The following WDR11 variants were observed in gnomAD, a reference collection of about 807,000 sequenced individuals.
The protein encoded by WDR11 is WD repeat-containing protein 11.
WDR11 carries 83 observed loss-of-function variants against 151.2 expected under a neutral mutation model. The ratio of observed to expected loss-of-function variants is 0.55; its 90% CI spans 0.46 to 0.66. The LOEUF is 0.66. Ranked by LOEUF, WDR11 falls within the 30% of genes least tolerant of loss-of-function variation. The pLI is 0.00. For missense variants in WDR11, 1,301 were observed against 1,480.9 expected (o/e 0.88, Z 1.99); for synonymous variants, 484 against 533.1 (o/e 0.91, Z 1.27).
chr10:120,899,706 C>T (rs544658076), intron 19 of WDR11: 14 of 303,898 alleles, frequency 4.6e-5, no homozygotes, highest in South Asian at 4.5e-4. Context: ...TCGCTTGAAC[C>T]CGGGAGGCGG....
intron 20 of WDR11, 114 bp downstream of exon 20, chr10:120,900,251 C>A: frequency 2.2e-6 from 2 of 928,308 alleles, no homozygotes; most frequent in South Asian, 1.4e-5. Context: ...CCTTTAAAGC[C>A]GAGAGAAGGC....
intron 10 of WDR11, among the ~76,000 whole-genome samples, chr10:120,872,173 T>C (rs574201446): frequency 6.6e-6 from 1 of 152,346 alleles, no homozygotes; most frequent in Admixed American, 6.5e-5. Flanking sequence ...TGTTAAAGAC[T>C]CATTTGGGTA....
At chr10:120,863,288 C>T (rs1846200503) in intron 5 of WDR11, among the ~76,000 whole-genome samples, 1 of 152,200 alleles carries the variant, frequency 6.6e-6, no homozygotes, top group Non-Finnish European at 1.5e-5. Flanking sequence ...GACTTAGGTG[C>T]TGTGCATTCT....
chr10:120,854,985 A>G (rs1845899831), intron 2 of WDR11, among the ~76,000 whole-genome samples: 1 of 152,144 alleles, frequency 6.6e-6, no homozygotes, highest in Non-Finnish European at 1.5e-5. Context: ...TTTTTCTCAT[A>G]CATACTTACT....
chr10:120,908,944 A>G lies in WDR11; in HGVS notation c.*231A>G. On this transcript the variant is annotated 3_prime_UTR_variant, in exon 29 of 29. Transcript: ENST00000263461. ...CGTGAATGCTTAAGATTTTGAAAGT[A>G]CATAATATTTTATACTTTGGGAGAG... 1.8e-6 allele frequency: 1 copy of G among 561,606 alleles called. No homozygotes were observed. The highest frequency in any genetic ancestry group is 3.1e-5 in the East Asian group (1 of 32,536). 34.8% of individuals were successfully genotyped at this position (561,606 alleles called of 1,614,324 possible).
chr10:120,890,002 C>T lies in WDR11; in HGVS notation c.2336C>T (p.Thr779Ile). 1 of 1,601,966 alleles carries T rather than the reference C, an allele frequency of 6.2e-7. No individual in the cohort carries two copies. The highest frequency in any genetic ancestry group is 8.6e-7 in the Non-Finnish European group (1 of 1,169,170). ...AATGATGGAGCTGAAGTGTGGGATA[C>T]TAAAGAGGTAGGCCCTCTCCATGAG... ...MYNDGAEVWD[T>I]KEVQMVSSLR... Residue 779 changes from threonine to isoleucine, a missense_variant, in exon 18 of 29, where the codon ACT becomes ATT. By Grantham distance (89) the Thr-to-Ile change is moderately conservative. Coordinates refer to ENST00000263461, the MANE Select transcript of WDR11 (RefSeq NM_018117.12).
intron 5 of WDR11, among the ~76,000 whole-genome samples, chr10:120,864,396 A>G (rs567355803): frequency 1.3e-5 from 2 of 152,240 alleles, no homozygotes; most frequent in Non-Finnish European, 2.9e-5. Context: ...TAATATAGAA[A>G]AGGTCATTGA....
intron 11 of WDR11, among the ~76,000 whole-genome samples, chr10:120,876,914 CA>C (rs1846812992): frequency 6.6e-6 from 1 of 152,222 alleles, no homozygotes; most frequent in African/African-American, 2.4e-5. Context: ...CTGAACTCTT[CA>C]CTTATACTTA....
rs770949613 is a variant in WDR11, at chr10:120,860,232, A to T, written c.476A>T (p.Asp159Val). The T allele has an allele frequency of 1.1e-5, 18 of 1,614,096 alleles. No homozygotes were observed. Among genetic ancestry groups the T allele is most frequent in the Non-Finnish European group, 1.5e-5 (18 of 1,180,054 alleles). The change falls in exon 4 of 29, where the codon GAT becomes GTT. Residue 159 changes from aspartate to valine, a missense_variant. This residue lies in a region of WDR11 where 692 missense variants were observed against 762.5 expected (regional missense o/e 0.91). Coordinates refer to ENST00000263461, the MANE Select transcript of WDR11 (RefSeq NM_018117.12). ...AAACTATGGAAGAAGAGCTATGCAG[A>T]TAACATTCTTTCTTTTTCTTTTGAC... is the stretch of plus-strand genomic sequence containing the variant. ...GTKLWKKSYADNILSFSFDPF... is the reference protein window; with the variant it reads ...GTKLWKKSYAVNILSFSFDPF...
chr10:120,900,175 T>C (rs1847762214), intron 20 of WDR11, 38 bp downstream of exon 20: 2 of 1,565,230 alleles, frequency 1.3e-6, no homozygotes, highest in African/African-American at 1.4e-5. Flanking sequence ...CATAATTTAC[T>C]TGGGGTTGAA....
rs144022681 is a variant in WDR11 at position 120,855,648 on chromosome 10, T to C, written c.199-2995T>C. Among the ~76,000 whole-genome samples, 363 of 152,316 alleles carry C rather than the reference T, an allele frequency of 2.4e-3. 1 individual carries two copies. The highest frequency in any genetic ancestry group is 8.1e-3 in the African/African-American group (337 of 41,570). Reference sequence around the variant, plus strand: ...TAGAGCTTTAGCTTTTAATCCATTTTGAGTTAATTTTTATATATGATGTGA... The same window carrying C: ...TAGAGCTTTAGCTTTTAATCCATTTCGAGTTAATTTTTATATATGATGTGA... On this transcript the variant is annotated intron_variant, in intron 2 of 28. Coordinates refer to ENST00000263461, the MANE Select transcript of WDR11 (RefSeq NM_018117.12).
intron 1 of WDR11, 122 bp downstream of exon 1, chr10:120,851,628 A>G: frequency 8.4e-7 from 1 of 1,185,002 alleles, no homozygotes; most frequent in East Asian, 2.6e-5. Flanking sequence ...AGCCGCCCTC[A>G]CGCAATGAGC....
chr10:120,905,831 T>G (rs368516922), intron 26 of WDR11, 45 bp from the exon 27 acceptor site: 2 of 1,613,998 alleles, frequency 1.2e-6, no homozygotes, highest in African/African-American at 2.7e-5. Flanking sequence ...TTTTTCTTTA[T>G]AGAGTGCAGG....
intron 10 of WDR11, among the ~76,000 whole-genome samples, 163 bp downstream of exon 10, chr10:120,871,509 TTC>T: frequency 6.7e-6 from 1 of 148,900 alleles, no homozygotes; most frequent in East Asian, 1.9e-4. Context: ...AAAAAAAAAT[TTC>T]TGTCCTTTTA....
chr10:120,871,353 A>G lies in WDR11; in HGVS notation c.1471+7A>G. 1 of 1,612,566 alleles carries G rather than the reference A, an allele frequency of 6.2e-7. No individual in the cohort carries two copies. Among genetic ancestry groups the G allele is most frequent in the Non-Finnish European group, 8.5e-7 (1 of 1,179,396 alleles). Reference sequence around the variant, plus strand: ...CAGCCACTGCTGGCTGTTGGTGAGTATTTGACCTGGTCTTTTTTTTTTTAA... The same window carrying G: ...CAGCCACTGCTGGCTGTTGGTGAGTGTTTGACCTGGTCTTTTTTTTTTTAA... On this transcript the variant is annotated splice_region_variant and intron_variant, in intron 10 of 28. Coordinates refer to ENST00000263461, the MANE Select transcript of WDR11 (RefSeq NM_018117.12).
intron 17 of WDR11, chr10:120,889,505 G>T (rs1484610450): frequency 5.1e-6 from 2 of 395,232 alleles, no homozygotes; most frequent in Non-Finnish European, 9.5e-6. Context: ...CTCCCAAAGT[G>T]CTGGGATTAC....
chr10:120,886,441 A>T (rs1296537881), intron 15 of WDR11, among the ~76,000 whole-genome samples: 1 of 152,056 alleles, frequency 6.6e-6, no homozygotes, highest in East Asian at 1.9e-4. Context: ...TATGAATTTT[A>T]TTTTTCTTGT....
At chr10:120,892,275 CAT>C (rs1321232486) in intron 19 of WDR11, among the ~76,000 whole-genome samples, 4 of 152,168 alleles carry the variant, frequency 2.6e-5, no homozygotes, top group East Asian at 1.9e-4. Flanking sequence ...TTTTAGATCA[CAT>C]GTTTCTTTTA....
chr10:120,895,510 T>TA (rs879285991), intron 19 of WDR11, among the ~76,000 whole-genome samples: 103 of 147,730 alleles, frequency 7.0e-4, no homozygotes, highest in African/African-American at 1.8e-3. Context: ...AAGTGGAAAT[T>TA]AAAAAAAAAA....
Sources: allele counts gnomAD v4.1 joint callset (sites outside exome capture counted in the v4.1 genomes callset), GRCh38; gene constraint gnomAD v4.1.1; regional missense constraint gnomAD v4.1.1; transcripts MANE v1.5; gene names NCBI Gene and HGNC (gene_info 2026-07-23, HGNC 2026-07-21).